Variants in SLC30A8 observed in about 807,000 individuals in gnomAD.
SLC30A8 encodes the protein proton-coupled zinc antiporter SLC30A8.
In SLC30A8, 27 loss-of-function variants were observed where a neutral mutation model predicts 36.9. That is an observed-to-expected ratio of 0.73 (90% CI 0.54 to 1.01). The LOEUF is 1.01. Ranked by LOEUF, SLC30A8 falls within the 50% of genes least tolerant of loss-of-function variation. SLC30A8 has a pLI of 0.00. For missense variants in SLC30A8, 439 were observed against 452.0 expected, an observed-to-expected ratio of 0.97 and a Z score of 0.26; for synonymous variants, 164 against 172.4, an observed-to-expected ratio of 0.95 and a Z score of 0.38.
intron 2 of SLC30A8, among the ~76,000 whole-genome samples, chr8:117,042,321 G>C (rs1037292212): frequency 6.6e-6 from 1 of 152,200 alleles, no homozygotes; most frequent in Admixed American, 6.5e-5. Flanking sequence ...AAACCTCAAG[G>C]TTTTTAATTT....
upstream of SLC30A8, among the ~76,000 whole-genome samples, chr8:117,131,747 A>C (rs1030390662): frequency 1.1e-4 from 17 of 152,166 alleles, no homozygotes; most frequent in African/African-American, 4.1e-4. Flanking sequence ...CCCAGTGTAT[A>C]GAAACTCACA....
At chr8:117,089,228 A>G (rs1385755532) in intron 2 of SLC30A8, among the ~76,000 whole-genome samples, 1 of 152,222 alleles carries the variant, frequency 6.6e-6, no homozygotes, top group Non-Finnish European at 1.5e-5. Flanking sequence ...CTTTAAATAT[A>G]TATGAAATTC....
At chr8:117,037,549 A>G (rs931146356) in intron 1 of SLC30A8, among the ~76,000 whole-genome samples, 3 of 152,170 alleles carry the variant, frequency 2.0e-5, no homozygotes, top group Non-Finnish European at 4.4e-5. Context: ...CTTTGACTCT[A>G]TGGATATTTC....
chr8:117,140,530 G>C (rs1225458896), intron 1 of SLC30A8, among the ~76,000 whole-genome samples: 1 of 152,072 alleles, frequency 6.6e-6, no homozygotes, highest in East Asian at 1.9e-4. Context: ...TTATGTATGA[G>C]AGCATCCTGA....
At chr8:117,035,687 G>C (rs563317988) in intron 1 of SLC30A8, among the ~76,000 whole-genome samples, 151 of 152,368 alleles carry the variant, frequency 9.9e-4, no homozygotes, top group African/African-American at 3.5e-3. Flanking sequence ...GGTTCTCCAT[G>C]AGGGTTCCAA....
intron 2 of SLC30A8, among the ~76,000 whole-genome samples, chr8:117,083,601 C>T (rs1435122695): frequency 6.6e-6 from 1 of 152,146 alleles, no homozygotes; most frequent in African/African-American, 2.4e-5. Flanking sequence ...GTTCCCTCCC[C>T]AATAACCTTT....
chr8:117,149,536 C>T (rs181549335), intron 2 of SLC30A8, among the ~76,000 whole-genome samples: 5 of 152,248 alleles, frequency 3.3e-5, no homozygotes, highest in Admixed American at 6.5e-5. Context: ...GAGCTATACA[C>T]ACATCTAAGA....
At chr8:117,017,608 G>T (rs1444810164) in intron 1 of SLC30A8, among the ~76,000 whole-genome samples, 1 of 151,982 alleles carries the variant, frequency 6.6e-6, no homozygotes, top group Non-Finnish European at 1.5e-5. Flanking sequence ...ATTGACACTA[G>T]TTCAGGCAGG....
intron 4 of SLC30A8, among the ~76,000 whole-genome samples, chr8:117,159,695 G>GGGTC (rs1372195836): frequency 2.0e-5 from 3 of 152,114 alleles, no homozygotes; most frequent in African/African-American, 7.2e-5. Context: ...TGCTGACTAC[G>GGGTC]GGTCAATAAA....
chr8:117,093,178 C>T (rs577743795), intron 2 of SLC30A8, among the ~76,000 whole-genome samples: 1 of 151,828 alleles, frequency 6.6e-6, no homozygotes, highest in Non-Finnish European at 1.5e-5. Flanking sequence ...TCTCATGGCC[C>T]AGGTATCCTT....
At chr8:117,103,135 G>A (rs960125509) in intron 2 of SLC30A8, among the ~76,000 whole-genome samples, 8 of 152,122 alleles carry the variant, frequency 5.3e-5, no homozygotes, top group South Asian at 2.1e-4. Flanking sequence ...GGTCCATCCC[G>A]AAGTAAAATT....
chr8:116,968,089 A>T (rs542387096), intron 1 of SLC30A8, among the ~76,000 whole-genome samples: 5 of 152,144 alleles, frequency 3.3e-5, no homozygotes, highest in Admixed American at 1.3e-4. Context: ...ACGTACTCAG[A>T]TTTACACAAG....
Position 117,161,777 on chromosome 8 carries a change from T to C in SLC30A8, c.612T>C (p.Asn204=). ...TGCACCAGAGATGCCTTGGCCACAA[T>C]CACAAGGAAGTACAAGCCAATGCCA... ...VVLHQRCLGH[N]HKEVQANASV... Residue 204 remains asparagine (N), a synonymous_variant, in exon 5 of 8, where the codon AAT becomes AAC. Coordinates refer to ENST00000456015, the MANE Select transcript of SLC30A8 (RefSeq NM_173851.3). 1 of 1,613,884 alleles carries C rather than the reference T, an allele frequency of 6.2e-7. No individual in the cohort carries two copies. Among genetic ancestry groups the C allele is most frequent in the Non-Finnish European group, 8.5e-7 (1 of 1,179,842 alleles).
chr8:117,018,388 A>T (rs1177001260), intron 1 of SLC30A8: 3 of 152,186 alleles, frequency 2.0e-5, no homozygotes, highest in Non-Finnish European at 2.9e-5. Context: ...GAGCTATTTT[A>T]TATTCTTCTT....
intron 2 of SLC30A8, among the ~76,000 whole-genome samples, chr8:117,089,401 G>A (rs1819015856): frequency 6.6e-6 from 1 of 152,028 alleles, no homozygotes; most frequent in Admixed American, 6.6e-5. Context: ...TTTTTTATGG[G>A]GGCAATGGTG....
chr8:117,099,445 T>C (rs982915479), intron 2 of SLC30A8, among the ~76,000 whole-genome samples: 2 of 152,220 alleles, frequency 1.3e-5, no homozygotes, highest in Admixed American at 6.5e-5. Context: ...AATGCTGCTT[T>C]ACTTAATAAG....
At chr8:117,041,547 G>T (rs1219875216) in intron 2 of SLC30A8, among the ~76,000 whole-genome samples, 5 of 152,074 alleles carry the variant, frequency 3.3e-5, no homozygotes, top group Non-Finnish European at 5.9e-5. Flanking sequence ...AAAATTAGCT[G>T]GGCGTGGTGG....
chr8:117,126,545 CCCATCCATCCATCCATCCATCCATCCAT>C (rs57441824), intron 2 of SLC30A8, among the ~76,000 whole-genome samples: 1 of 149,588 alleles, frequency 6.7e-6, no homozygotes, highest in Non-Finnish European at 1.5e-5. Flanking sequence ...CATCCACCAA[CCCATCCATCCATCCATCCATCCATCCAT>C]CCATCCATCC....
At chr8:117,004,369 A>G (rs1816106305) in intron 1 of SLC30A8, among the ~76,000 whole-genome samples, 1 of 152,210 alleles carries the variant, frequency 6.6e-6, no homozygotes, top group African/African-American at 2.4e-5. Flanking sequence ...GTTCTGCCAT[A>G]AGGTCTAAAC....
Sources: allele counts gnomAD v4.1 joint callset (sites outside exome capture counted in the v4.1 genomes callset), GRCh38; gene constraint gnomAD v4.1.1; transcripts MANE v1.5; gene names NCBI Gene and HGNC (gene_info 2026-07-23, HGNC 2026-07-21).